Variants in GALNT14 observed in about 807,000 individuals in gnomAD.
GALNT14 encodes polypeptide N-acetylgalactosaminyltransferase 14, also known as UDP-GalNAc:polypeptide N-acetylgalactosaminyltransferase 14.
In GALNT14, 60 loss-of-function variants were observed where a neutral mutation model predicts 77.5. The observed-to-expected ratio is 0.77, with a 90% CI of 0.63 to 0.96. The LOEUF (loss-of-function observed/expected upper bound fraction) is 0.96. Among genes scored for constraint, GALNT14 ranks in the 40% least tolerant of loss-of-function variants. GALNT14 has a pLI of 0.00. For missense variants in GALNT14, 710 were observed against 731.0 expected, an observed-to-expected ratio of 0.97 and a Z score of 0.33; for synonymous variants, 280 against 281.7, an observed-to-expected ratio of 0.99 and a Z score of 0.06.
At chr2:31,024,029 C>T (rs970464133) in intron 1 of GALNT14, among the ~76,000 whole-genome samples, 1 of 152,190 alleles carries the variant, frequency 6.6e-6, no homozygotes, top group African/African-American at 2.4e-5. Context: ...TCCCTCTGGA[C>T]CTGCTCCTAC....
rs1671465083 is a variant in GALNT14 at position 31,017,769 on chromosome 2, A to G, written c.130-24762T>C. On this transcript the variant is annotated intron_variant, in intron 1 of 14. Transcript: ENST00000349752. ...GGGCACAATGGAATGGCTGAGAAAG[A>G]GGGCGCTTGATGAAATTAAAAGGCA... Among the ~76,000 whole-genome samples the G allele has an allele frequency of 2.6e-5, 4 of 152,232 alleles. No individual in the cohort carries two copies. The South Asian group carries it at 8.3e-4, about 32-fold the overall frequency.
rs76218693 is a variant in GALNT14, at chr2:31,053,767, G to A, written c.130-60760C>T. On this transcript the variant is annotated intron_variant, in intron 1 of 14. Coordinates refer to ENST00000349752, the MANE Select transcript of GALNT14 (RefSeq NM_024572.4). ...ATTAGACAGGTTTCTTCACCACCTCGGCATCCATGCTTTCTAACGAGAGAC... is the reference window on the plus strand; with the variant it reads ...ATTAGACAGGTTTCTTCACCACCTCAGCATCCATGCTTTCTAACGAGAGAC... 1.2e-3 allele frequency among the ~76,000 whole-genome samples: 187 copies of A among 152,160 alleles called. 8 individuals carry two copies. The East Asian group carries it at 0.024, about 20-fold the overall frequency.
intron 1 of GALNT14, among the ~76,000 whole-genome samples, chr2:31,035,920 T>C (rs1672713510): frequency 6.6e-6 from 1 of 152,022 alleles, no homozygotes; most frequent in South Asian, 2.1e-4. Flanking sequence ...CTAGGCTTAA[T>C]ACCTGAGTGA....
At chr2:31,117,632 G>A (rs770160952) in intron 1 of GALNT14, among the ~76,000 whole-genome samples, 42 of 152,242 alleles carry the variant, frequency 2.8e-4, no homozygotes, top group Middle Eastern at 3.4e-3. Context: ...ACACTACTAT[G>A]TGCAACTTTG....
At chr2:30,961,856 G>T (rs183246861) in intron 3 of GALNT14, among the ~76,000 whole-genome samples, 134 of 147,908 alleles carry the variant, frequency 9.1e-4, no homozygotes, top group Admixed American at 3.8e-3. Context: ...TAATTTTTTG[G>T]TTTTTTTGTT....
chr2:30,971,448 C>T (rs572927908), intron 2 of GALNT14, among the ~76,000 whole-genome samples: 1 of 152,068 alleles, frequency 6.6e-6, no homozygotes, highest in South Asian at 2.1e-4. Flanking sequence ...AAACAGAATC[C>T]CGGGATCTCT....
In GALNT14 at chr2:30,942,250, G is replaced by A. The variant is rs1246100001; in HGVS notation, c.882C>T (p.Tyr294=). ...CCATGTCCATATCATATTTCCCCAG[G>A]TAATCAAACCAAGCTTTGTCGATCA... ...LFVIDKAWFD[Y]LGKYDMDMDI... Residue 294 remains tyrosine (Y), a synonymous_variant, in exon 9 of 15, where the codon TAC becomes TAT. Transcript: ENST00000349752. 1 of 1,614,040 alleles carries A rather than the reference G, an allele frequency of 6.2e-7. No individual in the cohort carries two copies. The highest frequency in any genetic ancestry group is 2.2e-5 in the East Asian group (1 of 44,866).
chr2:31,042,722 T>C (rs56284247), intron 1 of GALNT14, among the ~76,000 whole-genome samples: 45,277 of 152,074 alleles, frequency 0.3, 6,950 homozygotes, highest in East Asian at 0.44. Flanking sequence ...CTTCAAAGCA[T>C]ATCCAGTATC....
intron 1 of GALNT14, among the ~76,000 whole-genome samples, chr2:31,028,442 G>T (rs193044878): frequency 6.6e-6 from 1 of 152,350 alleles, no homozygotes; most frequent in Non-Finnish European, 1.5e-5. Context: ...CAGCCCTGCT[G>T]GGATGAGAGC....
At chr2:31,008,682 C>A (rs1157480745) in intron 1 of GALNT14, among the ~76,000 whole-genome samples, 3 of 152,186 alleles carry the variant, frequency 2.0e-5, no homozygotes, top group Admixed American at 6.5e-5. Context: ...TGGGAGGATG[C>A]GGTGCATAGA....
chr2:31,075,146 T>A (rs995759550), intron 1 of GALNT14, among the ~76,000 whole-genome samples: 1 of 152,224 alleles, frequency 6.6e-6, no homozygotes, highest in Non-Finnish European at 1.5e-5. Context: ...GCACACCCTC[T>A]GTTCTCTTTG....
intron 1 of GALNT14, among the ~76,000 whole-genome samples, chr2:31,033,353 C>T (rs973649174): frequency 1.3e-5 from 2 of 152,100 alleles, no homozygotes; most frequent in Non-Finnish European, 2.9e-5. Context: ...AACAGCAGAA[C>T]CACACAAATA....
the GALNT14 span, among the ~76,000 whole-genome samples, chr2:30,888,990 G>C: frequency 3.3e-5 from 5 of 151,804 alleles, no homozygotes; most frequent in East Asian, 9.7e-4. Context: ...TTACTTACAG[G>C]ATTGTGTCCT....
intron 2 of GALNT14, among the ~76,000 whole-genome samples, chr2:30,977,612 A>G (rs1163930631): frequency 4.6e-5 from 7 of 152,166 alleles, no homozygotes; most frequent in Admixed American, 1.3e-4. Flanking sequence ...TGCAACAGCT[A>G]TAAGGAGCAA....
At chr2:30,940,027 G>A (rs1666284883) in intron 9 of GALNT14, among the ~76,000 whole-genome samples, 1 of 151,578 alleles carries the variant, frequency 6.6e-6, no homozygotes, top group South Asian at 2.1e-4. Context: ...TCCAGAAATG[G>A]CTTTCAAAGT....
intron 2 of GALNT14, among the ~76,000 whole-genome samples, chr2:30,988,052 G>A (rs1669425522): frequency 6.6e-6 from 1 of 152,212 alleles, no homozygotes; most frequent in South Asian, 2.1e-4. Flanking sequence ...CAAGGCCCCT[G>A]AGGATCGAAG....
chr2:31,011,937 T>A (rs57784884), intron 1 of GALNT14, among the ~76,000 whole-genome samples: 9,018 of 152,176 alleles, frequency 0.059, 829 homozygotes, highest in African/African-American at 0.2. Context: ...TCCACAGCAC[T>A]GGGGAAAAGC....
At chr2:30,910,285 A>G (rs1260740864), downstream of GALNT14, among the ~76,000 whole-genome samples, 1 of 151,936 alleles carries the variant, frequency 6.6e-6, no homozygotes, top group Non-Finnish European at 1.5e-5. Context: ...TGGGTCAAAG[A>G]AGTTACATGT....
At chr2:31,130,040 T>C (rs1330382013) in intron 1 of GALNT14, among the ~76,000 whole-genome samples, 1 of 152,168 alleles carries the variant, frequency 6.6e-6, no homozygotes, top group East Asian at 1.9e-4. Flanking sequence ...GACATGTGAG[T>C]GTGCCCTGCT....
Sources: gnomAD v4.1 joint callset for allele counts (sites outside exome capture counted in the v4.1 genomes callset) on GRCh38, gnomAD v4.1.1 for gene constraint, MANE v1.5 for transcripts, NCBI Gene and HGNC (gene_info 2026-07-23, HGNC 2026-07-21) for gene names.